Variants in ITGB6 observed in about 807,000 individuals in gnomAD.
ITGB6 encodes the protein integrin subunit beta 6.
In ITGB6, 80 loss-of-function variants were observed where a neutral mutation model predicts 84.5. The observed-to-expected ratio is 0.95, with a 90% CI of 0.79 to 1.14. The LOEUF (loss-of-function observed/expected upper bound fraction) is 1.14. Among genes scored for constraint, ITGB6 ranks in the 50% most tolerant of loss-of-function variants. ITGB6 has a pLI of 0.00. For synonymous variants in ITGB6, 383 were observed against 354.9 expected, an observed-to-expected ratio of 1.08 and a Z score of -0.89; for missense variants, 1,006 against 968.0, an observed-to-expected ratio of 1.04 and a Z score of -0.52.
intron 2 of ITGB6, among the ~76,000 whole-genome samples, chr2:160,196,817 G>T (rs988359423): frequency 1.3e-5 from 2 of 152,030 alleles, no homozygotes; most frequent in Non-Finnish European, 2.9e-5. Context: ...TCTGCTCAGG[G>T]TGACCTGTAG....
intron 7 of ITGB6, among the ~76,000 whole-genome samples, chr2:160,150,444 G>A (rs1684369394): frequency 6.6e-6 from 1 of 152,176 alleles, no homozygotes; most frequent in Non-Finnish European, 1.5e-5. Flanking sequence ...CCTTACAAGA[G>A]CTCCTGAAGG....
chr2:160,172,864 T>C, intron 5 of ITGB6, 134 bp from the exon 6 acceptor site: 1 of 594,776 alleles, frequency 1.7e-6, no homozygotes, highest in South Asian at 2.9e-5. Flanking sequence ...TTATCTATCG[T>C]GAATTGATAA....
rs972667605 is a variant in ITGB6, at chr2:160,146,924, A to AC, written c.1018-4854dup. 4.3e-4 allele frequency among the ~76,000 whole-genome samples: 66 copies of AC among 151,936 alleles called. 1 individual carries two copies. Among genetic ancestry groups the AC allele is most frequent in the African/African-American group, 1.6e-3 (66 of 41,442 alleles). Reference sequence around the variant, plus strand: ...GAGACCAGCCAGGTAACATAGTGAGACCCCATCCTTACAAAAAATACAGAA... The same window carrying AC: ...GAGACCAGCCAGGTAACATAGTGAGACCCCCATCCTTACAAAAAATACAGAA... On this transcript the variant is annotated intron_variant, in intron 7 of 14. Coordinates refer to ENST00000283249, the MANE Select transcript of ITGB6 (RefSeq NM_000888.5).
At chr2:160,144,680 T>A (rs1684126788) in intron 7 of ITGB6, among the ~76,000 whole-genome samples, 1 of 152,230 alleles carries the variant, frequency 6.6e-6, no homozygotes, top group Non-Finnish European at 1.5e-5. Context: ...GTCACAGATA[T>A]ATTCTGCAAG....
At chr2:160,117,294 C>A (rs973635474) in intron 12 of ITGB6, among the ~76,000 whole-genome samples, 7 of 151,974 alleles carry the variant, frequency 4.6e-5, no homozygotes, top group Admixed American at 1.3e-4. Context: ...TGTAAAAGAA[C>A]AGAAATTATA....
chr2:160,186,847 A>G (rs979184735), intron 4 of ITGB6, among the ~76,000 whole-genome samples: 1 of 152,140 alleles, frequency 6.6e-6, no homozygotes, highest in African/African-American at 2.4e-5. Flanking sequence ...CATCATACTC[A>G]GCAAACTAAC....
At chr2:160,106,986 G>A (rs1696932873) in intron 14 of ITGB6, among the ~76,000 whole-genome samples, 1 of 152,116 alleles carries the variant, frequency 6.6e-6, no homozygotes, top group Non-Finnish European at 1.5e-5. Context: ...TTGTTTCTAT[G>A]GGTCTCTAGA....
rs61737765 is a variant in ITGB6, at chr2:160,137,462, G to A, written c.1632C>T (p.Cys544=). ...CGCAGAGCAGCCCTTTGTGTCTCAC[G>A]CAGGAGAAATTGTCACACTGGCAAT... The part of the protein sequence containing the change: ...GPYCQCDNFS[C]VRHKGLLCGG... Residue 544 remains cysteine, a synonymous_variant, in exon 10 of 15, where the codon TGC becomes TGT. Transcript: ENST00000283249. 3.2e-4 allele frequency: 520 copies of A among 1,612,428 alleles called. 1 individual carries two copies. In the African/African-American group the frequency reaches 6.0e-3, roughly 19 times the overall value.
At chr2:160,128,823 G>A (rs980821842) in intron 10 of ITGB6, among the ~76,000 whole-genome samples, 2 of 152,108 alleles carry the variant, frequency 1.3e-5, no homozygotes, top group Non-Finnish European at 2.9e-5. Flanking sequence ...AAACAGAGGA[G>A]GAGAAGCAGC....
At chr2:160,139,387 A>G (rs555381067) in intron 8 of ITGB6, among the ~76,000 whole-genome samples, 1 of 152,130 alleles carries the variant, frequency 6.6e-6, no homozygotes, top group Non-Finnish European at 1.5e-5. Flanking sequence ...GTAGGTGTAT[A>G]TATTTATGGA....
chr2:160,120,267 C>A (rs1416889588), intron 12 of ITGB6, among the ~76,000 whole-genome samples: 2 of 149,054 alleles, frequency 1.3e-5, no homozygotes, highest in Non-Finnish European at 1.5e-5. Context: ...GGAACCAACC[C>A]AAATGTCCAA....
intron 7 of ITGB6, among the ~76,000 whole-genome samples, chr2:160,160,847 G>A (rs570462337): frequency 1.1e-4 from 17 of 152,240 alleles, no homozygotes; most frequent in African/African-American, 3.6e-4. Flanking sequence ...AGGCTTTAGG[G>A]GATACATGGG....
chr2:160,195,071 A>G (rs1418691566), intron 4 of ITGB6, among the ~76,000 whole-genome samples: 1 of 152,182 alleles, frequency 6.6e-6, no homozygotes, highest in African/African-American at 2.4e-5. Context: ...CATCCAGTGG[A>G]GCCTATGGTG....
chr2:160,118,522 A>C (rs1411242123), intron 12 of ITGB6, among the ~76,000 whole-genome samples: 1 of 152,090 alleles, frequency 6.6e-6, no homozygotes, highest in Non-Finnish European at 1.5e-5. Context: ...TCTCAAAATA[A>C]TAAGAGCTAT....
rs368181636 is a variant in ITGB6 at position 160,137,858 on chromosome 2, A to T, written c.1243-7T>A. Reference sequence around the variant, plus strand: ...CAGTCACGCTGAAGGAAGCCTGGAAAAGAAAATACTAATTATCTCCCTCCA... The same window carrying T: ...CAGTCACGCTGAAGGAAGCCTGGAATAGAAAATACTAATTATCTCCCTCCA... On this transcript the variant is annotated splice_polypyrimidine_tract_variant and splice_region_variant and intron_variant, in intron 9 of 14. Coordinates refer to ENST00000283249, the MANE Select transcript of ITGB6 (RefSeq NM_000888.5). 1.2e-6 allele frequency: 2 copies of T among 1,611,672 alleles called. No homozygotes were observed. The highest frequency in any genetic ancestry group is 2.2e-5 in the South Asian group (2 of 91,006).
chr2:160,143,649 T>C lies in ITGB6; in HGVS notation c.1018-1578A>G, dbSNP rs1429952080. ...TAGAAAAGAGTAAGTAAGCTTTGAG[T>C]AAAGGATTTAAGGCATCTCATATAG... On this transcript the variant is annotated intron_variant, in intron 7 of 14. Transcript: ENST00000283249. Among the ~76,000 whole-genome samples, 6 of 152,332 alleles carry C rather than the reference T, an allele frequency of 3.9e-5. No individual in the cohort carries two copies. In the East Asian group the frequency reaches 5.8e-4, roughly 15 times the overall value.
chr2:160,199,082 C>G, intron 2 of ITGB6, 97 bp downstream of exon 2: 1 of 1,006,166 alleles, frequency 9.9e-7, no homozygotes, highest in Non-Finnish European at 1.6e-6. Flanking sequence ...TACAACTCCA[C>G]AAAAAAGCAA....
intron 13 of ITGB6, among the ~76,000 whole-genome samples, chr2:160,110,506 GCATCTACCCTAGCT>G (rs965613875): frequency 6.6e-6 from 1 of 152,120 alleles, no homozygotes; most frequent in African/African-American, 2.4e-5. Context: ...TGTGGGTATA[GCATCTACCCTAGCT>G]GGTACTTTCC....
At chr2:160,118,869 T>C (rs1379983057) in intron 12 of ITGB6, among the ~76,000 whole-genome samples, 5 of 152,118 alleles carry the variant, frequency 3.3e-5, no homozygotes, top group Non-Finnish European at 5.9e-5. Context: ...TATACACCAA[T>C]AATAGACAAA....
Sources: allele counts gnomAD v4.1 joint callset (sites outside exome capture counted in the v4.1 genomes callset), GRCh38; gene constraint gnomAD v4.1.1; transcripts MANE v1.5; gene names NCBI Gene and HGNC (gene_info 2026-07-23, HGNC 2026-07-21).